The following TMEM135 variants were observed in gnomAD, a reference collection of about 807,000 sequenced individuals.
TMEM135 encodes the protein peroxisomal membrane protein 52.
TMEM135 carries 30 observed loss-of-function variants against 60.3 expected under a neutral mutation model. The ratio of observed to expected loss-of-function variants is 0.50; its 90% CI spans 0.37 to 0.68. The LOEUF is 0.68. Among genes scored for constraint, TMEM135 ranks in the 30% least tolerant of loss-of-function variants. TMEM135 has a pLI of 0.00. For missense variants in TMEM135, 468 were observed against 548.8 expected, an observed-to-expected ratio of 0.85 and a Z score of 1.47; for synonymous variants, 190 against 186.7, an observed-to-expected ratio of 1.02 and a Z score of -0.14.
At chr11:87,099,326 AC>A (rs1261559254) in intron 4 of TMEM135, among the ~76,000 whole-genome samples, 1 of 152,178 alleles carries the variant, frequency 6.6e-6, no homozygotes, top group African/African-American at 2.4e-5. Context: ...AAAAATTAAA[AC>A]TTTTATTTTG....
At chr11:87,202,862 C>G (rs1436900435) in intron 5 of TMEM135, among the ~76,000 whole-genome samples, 2 of 151,230 alleles carry the variant, frequency 1.3e-5, no homozygotes, top group African/African-American at 2.4e-5. Flanking sequence ...GAAACCCCGT[C>G]TCTACTAAAA....
chr11:87,077,281 A>T (rs1235214033), intron 3 of TMEM135, among the ~76,000 whole-genome samples: 2 of 152,250 alleles, frequency 1.3e-5, no homozygotes, highest in South Asian at 2.1e-4. Flanking sequence ...ACTAAGCATG[A>T]TGCCTTTGAG....
At chr11:87,175,701 G>A (rs1435286952) in intron 5 of TMEM135, among the ~76,000 whole-genome samples, 1 of 152,126 alleles carries the variant, frequency 6.6e-6, no homozygotes, top group African/African-American at 2.4e-5. Context: ...AATGGGAAGA[G>A]CTTTAGGTCA....
intron 6 of TMEM135, among the ~76,000 whole-genome samples, chr11:87,293,929 A>G (rs772344046): frequency 1.1e-4 from 17 of 152,216 alleles, no homozygotes; most frequent in Non-Finnish European, 2.4e-4. Flanking sequence ...TCCTTGAGGA[A>G]TCGCTATACT....
intron 5 of TMEM135, among the ~76,000 whole-genome samples, chr11:87,206,654 A>G (rs1054831393): frequency 3.3e-5 from 5 of 152,198 alleles, no homozygotes; most frequent in Non-Finnish European, 1.5e-5. Flanking sequence ...TATTTATTAT[A>G]TACACATCAT....
chr11:87,058,612 A>G (rs1481522487), intron 1 of TMEM135, among the ~76,000 whole-genome samples: 1 of 151,982 alleles, frequency 6.6e-6, no homozygotes, highest in African/African-American at 2.4e-5. Flanking sequence ...TTTAAAAACA[A>G]GGTCTTATTT....
At chr11:87,124,707 A>G (rs11234977) in intron 4 of TMEM135, among the ~76,000 whole-genome samples, 18,640 of 152,048 alleles carry the variant, frequency 0.12, 1,490 homozygotes, top group African/African-American at 0.22. Context: ...GTTAGGTTAT[A>G]TTCTCTTCTG....
chr11:87,065,218 A>G lies in TMEM135; in HGVS notation c.142-2476A>G, dbSNP rs1335594064. ...CAGAGATAAATACCCCAGGACTACA[A>G]TTGCTGGGACAAATAATAGTTGATT... On this transcript the variant is annotated intron_variant, in intron 1 of 14. Transcript: ENST00000305494. Among the ~76,000 whole-genome samples, 6 of 152,208 alleles carry G rather than the reference A, an allele frequency of 3.9e-5. No individual in the cohort carries two copies. In the East Asian group the frequency reaches 1.2e-3, roughly 29 times the overall value.
intron 5 of TMEM135, among the ~76,000 whole-genome samples, chr11:87,185,913 CT>C (rs367985910): frequency 1.4e-4 from 19 of 138,816 alleles, no homozygotes; most frequent in South Asian, 2.3e-4. Context: ...AGTTATCCTT[CT>C]TTTTTTTTTG....
chr11:87,089,479 A>G (rs570719117), intron 3 of TMEM135, among the ~76,000 whole-genome samples: 74 of 152,216 alleles, frequency 4.9e-4, no homozygotes, highest in African/African-American at 1.8e-3. Context: ...GGAGTTTGAG[A>G]CTGCAGTGAG....
At chr11:87,272,049 TTC>T (rs1278097910) in intron 6 of TMEM135, among the ~76,000 whole-genome samples, 4 of 135,108 alleles carry the variant, frequency 3.0e-5, no homozygotes, top group Middle Eastern at 3.8e-3. Context: ...TCTTTTTCTT[TTC>T]TTTTTTTTTT....
chr11:87,258,985 G>T, intron 6 of TMEM135: 1 of 1,527,670 alleles, frequency 6.5e-7, no homozygotes, highest in South Asian at 1.1e-5. Context: ...AAAGACAACG[G>T]GAAGAACCAG....
In TMEM135 at chr11:87,091,249, G is replaced by A. The variant is rs1214181424; in HGVS notation, c.363-113G>A. On this transcript the variant is annotated intron_variant, in intron 3 of 14. Transcript: ENST00000305494. ...ATTTACCTGTTTTTCTAAGATACCAGTACGTTTCTCAATTTCTGAGAATAT... is the reference window on the plus strand; with the variant it reads ...ATTTACCTGTTTTTCTAAGATACCAATACGTTTCTCAATTTCTGAGAATAT... The A allele has an allele frequency of 4.3e-6, 4 of 931,450 alleles. No homozygotes were observed. The East Asian group carries it at 1.1e-4, about 25-fold the overall frequency. The allele number at this position is 931,450 out of a possible 1,614,324, so 57.7% of individuals were successfully genotyped here.
chr11:87,092,155 T>C (rs1476465434), intron 4 of TMEM135, among the ~76,000 whole-genome samples: 1 of 152,176 alleles, frequency 6.6e-6, no homozygotes, highest in Non-Finnish European at 1.5e-5. Context: ...ATATTTAGTT[T>C]TTGCTCTGTA....
chr11:87,269,431 G>A, intron 6 of TMEM135, among the ~76,000 whole-genome samples: 1 of 151,482 alleles, frequency 6.6e-6, no homozygotes, highest in Non-Finnish European at 1.5e-5. Flanking sequence ...TGCCATGCTG[G>A]TGTGCTGCAC....
At chr11:87,127,309 C>T (rs1046804013) in intron 4 of TMEM135, among the ~76,000 whole-genome samples, 1 of 152,190 alleles carries the variant, frequency 6.6e-6, no homozygotes, top group Non-Finnish European at 1.5e-5. Flanking sequence ...ATACTAAGGG[C>T]TCCATTCATT....
chr11:87,297,285 G>A (rs1386232226), intron 7 of TMEM135, among the ~76,000 whole-genome samples: 1 of 152,120 alleles, frequency 6.6e-6, no homozygotes, highest in Non-Finnish European at 1.5e-5. Flanking sequence ...GCTATTAACA[G>A]AAAATCACAT....
intron 4 of TMEM135, among the ~76,000 whole-genome samples, chr11:87,097,773 G>T (rs1018665242): frequency 6.6e-6 from 1 of 152,098 alleles, no homozygotes; most frequent in African/African-American, 2.4e-5. Flanking sequence ...AGCTCTTATC[G>T]CTAGATATCT....
chr11:87,169,843 G>A (rs1255091956), intron 5 of TMEM135, among the ~76,000 whole-genome samples: 6 of 151,928 alleles, frequency 3.9e-5, no homozygotes, highest in Admixed American at 3.9e-4. Context: ...TTTGAATGTT[G>A]GCCTGTCTTG....
Sources: gnomAD v4.1 joint callset for allele counts (sites outside exome capture counted in the v4.1 genomes callset) on GRCh38, gnomAD v4.1.1 for gene constraint, MANE v1.5 for transcripts, NCBI Gene and HGNC (gene_info 2026-07-23, HGNC 2026-07-21) for gene names.